The following GRID2 variants were observed in gnomAD, a reference collection of about 807,000 sequenced individuals.
GRID2 encodes glutamate ionotropic receptor delta type subunit 2, also known as glutamate receptor ionotropic, delta-2.
Under a neutral mutation model 114.8 loss-of-function variants are expected in GRID2, and 33 were observed. The observed-to-expected ratio is 0.29, with a 90% CI of 0.22 to 0.38. The LOEUF (loss-of-function observed/expected upper bound fraction) is 0.38. Ranked by LOEUF, GRID2 falls within the 10% of genes least tolerant of loss-of-function variation. The pLI is 1.00. For synonymous variants in GRID2, 505 were observed against 449.9 expected (o/e 1.12, Z -1.55); for missense variants, 1,184 against 1,257.7 (o/e 0.94, Z 0.89).
At chr4:93,314,275 G>A (rs1400643005) in intron 8 of GRID2, among the ~76,000 whole-genome samples, 1 of 124,954 alleles carries the variant, frequency 8.0e-6, no homozygotes, top group African/African-American at 3.1e-5. Flanking sequence ...CCGCATTCCA[G>A]CCTGGGTGAC....
chr4:92,921,136 C>T (rs748878155), intron 2 of GRID2, among the ~76,000 whole-genome samples: 14 of 152,204 alleles, frequency 9.2e-5, no homozygotes, highest in Admixed American at 3.9e-4. Flanking sequence ...TCCAGTTGAT[C>T]GCGTCGGCTA....
chr4:92,652,809 A>G (rs1462644105), intron 2 of GRID2, among the ~76,000 whole-genome samples: 1 of 136,184 alleles, frequency 7.3e-6, no homozygotes, highest in African/African-American at 2.7e-5. Context: ...AAAAAAAAAT[A>G]TATATATATA....
intron 1 of GRID2, among the ~76,000 whole-genome samples, chr4:92,397,254 A>AT (rs780902539): frequency 3.0e-4 from 46 of 151,654 alleles, no homozygotes; most frequent in Non-Finnish European, 4.1e-4. Context: ...ATCATGTAGG[A>AT]TTTTTTTTAG....
chr4:92,519,728 A>C (rs1202037695), intron 1 of GRID2, among the ~76,000 whole-genome samples: 1 of 151,790 alleles, frequency 6.6e-6, no homozygotes, highest in Non-Finnish European at 1.5e-5. Context: ...GACCCAGGAG[A>C]ACCAATGGTG....
At chr4:92,499,182 A>T (rs2149121344) in intron 1 of GRID2, among the ~76,000 whole-genome samples, 1 of 151,932 alleles carries the variant, frequency 6.6e-6, no homozygotes, top group South Asian at 2.1e-4. Flanking sequence ...TATTGATTAC[A>T]TTTCAGAGCT....
chr4:92,781,073 G>A (rs113160731), intron 2 of GRID2, among the ~76,000 whole-genome samples: 2,148 of 151,756 alleles, frequency 0.014, 57 homozygotes, highest in African/African-American at 0.049. Flanking sequence ...GGTGAAACTC[G>A]GTCTCTACTA....
At chr4:93,444,669 G>T (rs1721928485) in intron 10 of GRID2, among the ~76,000 whole-genome samples, 1 of 151,902 alleles carries the variant, frequency 6.6e-6, no homozygotes, top group Admixed American at 6.6e-5. Flanking sequence ...CACTTATTGA[G>T]CATCTATTCA....
downstream of GRID2, among the ~76,000 whole-genome samples, chr4:93,775,797 C>T (rs1578788972): frequency 6.6e-6 from 1 of 152,304 alleles, no homozygotes; most frequent in East Asian, 1.9e-4. Flanking sequence ...GTAAGACTGC[C>T]TTCTTCCTCA....
intron 2 of GRID2, among the ~76,000 whole-genome samples, chr4:92,772,792 C>T (rs1342208182): frequency 6.6e-6 from 1 of 152,160 alleles, no homozygotes; most frequent in Non-Finnish European, 1.5e-5. Flanking sequence ...TGTGCAAAAA[C>T]CCATGTTACT....
At chr4:93,458,827 A>T (rs1476447379) in intron 11 of GRID2, among the ~76,000 whole-genome samples, 3 of 152,176 alleles carry the variant, frequency 2.0e-5, no homozygotes, top group Non-Finnish European at 4.4e-5. Flanking sequence ...ATAGTAGATC[A>T]TGGGGTATAT....
At chr4:93,165,305 A>G (rs563651495) in intron 4 of GRID2, among the ~76,000 whole-genome samples, 1 of 152,174 alleles carries the variant, frequency 6.6e-6, no homozygotes, top group African/African-American at 2.4e-5. Flanking sequence ...TCATACTGCA[A>G]AGAGAAGAAA....
Position 92,352,953 on chromosome 4 carries a change from T to C in GRID2, c.88+48209T>C, listed in dbSNP as rs141366398. ...TTGAGTTTTGGCTAAAGGTTTTTGT[T>C]ATTATTTCTTTAAATATTATATCTT... On this transcript the variant is annotated intron_variant, in intron 1 of 15. Transcript: ENST00000282020. Among the ~76,000 whole-genome samples, 6 of 152,000 alleles carry C rather than the reference T, an allele frequency of 3.9e-5. No homozygotes were observed. The East Asian group carries it at 1.2e-3, about 29-fold the overall frequency.
At chr4:92,359,816 T>C (rs1034334112) in intron 1 of GRID2, among the ~76,000 whole-genome samples, 2 of 151,958 alleles carry the variant, frequency 1.3e-5, no homozygotes, top group Non-Finnish European at 2.9e-5. Context: ...TGCCAAAACA[T>C]TTTTTCCTAG....
rs535026090 is a variant in GRID2, at chr4:93,082,822, TTAGTTCGTGTTTAA to T, written c.245-2169_245-2156del. ...AAAATTAACTGGTTTTAGTATCTGC[TTAGTTCGTGTTTAA>T]TAGGAAGTAACAGTGGGTTGGAAGA... On this transcript the variant is annotated intron_variant, in intron 2 of 15. Coordinates refer to ENST00000282020, the MANE Select transcript of GRID2 (RefSeq NM_001510.4). 6.9e-3 allele frequency among the ~76,000 whole-genome samples: 1,049 copies of T among 152,308 alleles called. 7 individuals carry two copies. Among genetic ancestry groups the T allele is most frequent in the Middle Eastern group, 0.017 (5 of 294 alleles).
In GRID2 at chr4:92,900,647, G is replaced by A. The variant is rs946587982; in HGVS notation, c.245-184348G>A. Among the ~76,000 whole-genome samples, 18 of 152,010 alleles carry A rather than the reference G, an allele frequency of 1.2e-4. 1 individual carries two copies. Among genetic ancestry groups the A allele is most frequent in the Admixed American group, 1.1e-3 (17 of 15,262 alleles). On this transcript the variant is annotated intron_variant, in intron 2 of 15. Coordinates refer to ENST00000282020, the MANE Select transcript of GRID2 (RefSeq NM_001510.4). ...AGATCGAGACCATCCTGGCTAACAC[G>A]GTGAAACCCTATCTCTACTAAAAAT...
intron 4 of GRID2, among the ~76,000 whole-genome samples, chr4:93,116,510 T>G (rs1733275561): frequency 1.3e-5 from 2 of 152,196 alleles, no homozygotes; most frequent in South Asian, 4.1e-4. Context: ...ACTTTTTTCT[T>G]CATCTTTGGG....
chr4:93,247,341 A>G (rs979156002), intron 8 of GRID2, among the ~76,000 whole-genome samples: 5 of 152,156 alleles, frequency 3.3e-5, no homozygotes, highest in Admixed American at 3.3e-4. Context: ...TAGCATTTTA[A>G]TTGGCGTACT....
chr4:93,524,907 A>G (rs987637930), intron 13 of GRID2, among the ~76,000 whole-genome samples: 4 of 148,156 alleles, frequency 2.7e-5, no homozygotes, highest in Non-Finnish European at 5.9e-5. Context: ...GTACTGTCTT[A>G]TGTACATAAA....
chr4:92,934,583 A>C (rs1346889311), intron 2 of GRID2, among the ~76,000 whole-genome samples: 1 of 146,562 alleles, frequency 6.8e-6, no homozygotes, highest in African/African-American at 2.4e-5. Context: ...TCGCCAAGTC[A>C]ATCCTAAGCC....
Sources: allele counts gnomAD v4.1 joint callset (sites outside exome capture counted in the v4.1 genomes callset), GRCh38; gene constraint gnomAD v4.1.1; transcripts MANE v1.5; gene names NCBI Gene and HGNC (gene_info 2026-07-23, HGNC 2026-07-21).